Variants in ZNF883 observed in about 807,000 individuals in gnomAD.
The protein encoded by ZNF883 is zinc finger protein 883.
exon 1 of ZNF883, chr9:112,997,306 C>T: frequency 6.2e-7 from 1 of 1,614,018 alleles, no homozygotes; most frequent in Non-Finnish European, 8.5e-7. Context: ...GGTAGGGTTT[C>T]TCTCCTGTAT....
intron 2 of ZNF883, among the ~76,000 whole-genome samples, chr9:113,004,301 A>G (rs13290234): frequency 0.078 from 11,858 of 152,316 alleles, 594 homozygotes; most frequent in Non-Finnish European, 0.11. Flanking sequence ...TAATAAATTT[A>G]TATTGTTTTA....
downstream of ZNF883, among the ~76,000 whole-genome samples, chr9:112,996,161 T>A (rs1158754962): frequency 3.3e-5 from 5 of 152,170 alleles, no homozygotes; most frequent in African/African-American, 1.2e-4. Flanking sequence ...GGTGCTACTT[T>A]TAGTTGTTTT....
upstream of ZNF883, among the ~76,000 whole-genome samples, chr9:113,002,354 T>C (rs1828433791): frequency 6.6e-6 from 1 of 152,128 alleles, no homozygotes; most frequent in Non-Finnish European, 1.5e-5. Flanking sequence ...AATAGAAGCC[T>C]AAGGAGAAAA....
chr9:113,002,282 T>C (rs1423634205), upstream of ZNF883, among the ~76,000 whole-genome samples: 1 of 152,162 alleles, frequency 6.6e-6, no homozygotes, highest in Non-Finnish European at 1.5e-5. Context: ...ATACGGAAGT[T>C]TCCCTATAAA....
downstream of ZNF883, among the ~76,000 whole-genome samples, chr9:112,996,127 T>C (rs954138846): frequency 3.9e-5 from 6 of 152,182 alleles, no homozygotes; most frequent in Non-Finnish European, 7.4e-5. Context: ...TAGAAACTTA[T>C]TTTAAATTTC....
chr9:112,997,764 T>C lies in ZNF883; in HGVS notation n.496A>G, dbSNP rs972503323. The C allele has an allele frequency of 1.2e-5, 19 of 1,613,810 alleles. 1 individual carries two copies. Among genetic ancestry groups the C allele is most frequent in the Non-Finnish European group, 1.6e-5 (19 of 1,179,874 alleles). On this transcript the variant is annotated non_coding_transcript_exon_variant, in exon 1 of 1. Coordinates refer to ENST00000639662, the Ensembl canonical transcript of ZNF883. ...ATTCCCTGATGTTCAATTAGGTGTG[T>C]GCTGCGGCTGAAGGTTTTTCCACAT... is the stretch of plus-strand genomic sequence containing the variant.
At chr9:112,998,402 A>T (rs1405657258), upstream of ZNF883, 4 of 643,552 alleles carry the variant, frequency 6.2e-6, no homozygotes, top group South Asian at 5.2e-5. Flanking sequence ...ATTATTTTTC[A>T]TTCATGAGTT....
At chr9:113,009,181 GT>G (rs148919173) in intron 2 of ZNF883, among the ~76,000 whole-genome samples, 2,594 of 152,188 alleles carry the variant, frequency 0.017, 75 homozygotes, top group African/African-American at 0.059. Context: ...ATGAAAATTG[GT>G]AAATTATATG....
chr9:113,007,799 T>C (rs1828492627), intron 2 of ZNF883, among the ~76,000 whole-genome samples: 1 of 152,184 alleles, frequency 6.6e-6, no homozygotes, highest in South Asian at 2.1e-4. Context: ...CCAACAGTAA[T>C]GAACTGACTT....
downstream of ZNF883, among the ~76,000 whole-genome samples, chr9:112,993,906 CA>C (rs1204430577): frequency 4.6e-5 from 7 of 152,198 alleles, no homozygotes; most frequent in Admixed American, 4.6e-4. Context: ...CCAGCACTGG[CA>C]GGGGAAAAAT....
rs557412624 is a variant in ZNF883, at chr9:112,997,551, A to G, written n.709T>C. The stretch of plus-strand genomic sequence containing the variant: ...GCCTTTCCACATGCATTACACTCAT[A>G]GGGTTTTTCTCCAGTATGAATTCTT... On this transcript the variant is annotated non_coding_transcript_exon_variant, in exon 1 of 1. Transcript: ENST00000639662. 52 of 1,614,136 alleles carry G rather than the reference A, an allele frequency of 3.2e-5. No homozygotes were observed. The South Asian group carries it at 5.4e-4, about 17-fold the overall frequency.
exon 1 of ZNF883, chr9:112,997,274 G>A: frequency 2.5e-6 from 4 of 1,614,162 alleles, no homozygotes; most frequent in Non-Finnish European, 3.4e-6. Flanking sequence ...TAAGCTGAAG[G>A]ATTTCCCACA....
At chr9:112,991,004 C>A (rs1297565636) in intron 1 of ZNF883, among the ~76,000 whole-genome samples, 1 of 151,930 alleles carries the variant, frequency 6.6e-6, no homozygotes, top group Non-Finnish European at 1.5e-5. Context: ...TCTCTCTTTT[C>A]TTCATTAGTC....
chr9:112,996,727 C>T (rs1248468987), downstream of ZNF883, among the ~76,000 whole-genome samples: 4 of 123,072 alleles, frequency 3.3e-5, no homozygotes, highest in South Asian at 2.8e-4. Flanking sequence ...GGAGGCGGAG[C>T]TTGCAGTGAG....
chr9:113,003,497 C>G (rs1828445742), intron 2 of ZNF883, among the ~76,000 whole-genome samples: 1 of 151,090 alleles, frequency 6.6e-6, no homozygotes, highest in African/African-American at 2.4e-5. Context: ...TTTCATATAT[C>G]AGATATTCAA....
intron 1 of ZNF883, among the ~76,000 whole-genome samples, chr9:112,991,204 T>C (rs893687391): frequency 6.6e-6 from 1 of 152,130 alleles, no homozygotes; most frequent in Non-Finnish European, 1.5e-5. Context: ...GAGATCTTTC[T>C]AGCCTTCTGA....
exon 1 of ZNF883, chr9:112,997,444 T>A (rs770899502): frequency 6.2e-7 from 1 of 1,614,104 alleles, no homozygotes; most frequent in Non-Finnish European, 8.5e-7. Flanking sequence ...GACTGAAGGT[T>A]TTTCCACATT....
chr9:113,011,993 C>G lies in ZNF883; in HGVS notation n.78+157G>C, dbSNP rs146004263. Among the ~76,000 whole-genome samples the G allele has an allele frequency of 1.1e-4, 17 of 152,270 alleles. No individual in the cohort carries two copies. The East Asian group carries it at 3.3e-3, about 29-fold the overall frequency. The stretch of plus-strand genomic sequence containing the variant: ...CACCACCCCTCCACTGCAACGTGAA[C>G]CAAATACCCAGCCTGACCTAATCGG... On this transcript the variant is annotated intron_variant and non_coding_transcript_variant, in intron 1 of 4. Coordinates refer to the ZNF883 transcript ENST00000638622.
chr9:112,998,939 C>G (rs1011151111), upstream of ZNF883: 4 of 152,076 alleles, frequency 2.6e-5, no homozygotes, highest in African/African-American at 9.7e-5. Context: ...TTCTTGTAAT[C>G]TGGATATACT....
Sources: allele counts gnomAD v4.1 joint callset (sites outside exome capture counted in the v4.1 genomes callset), GRCh38; gene constraint gnomAD v4.1.1; transcripts MANE v1.5; gene names NCBI Gene and HGNC (gene_info 2026-07-23, HGNC 2026-07-21).